BAZ2B: variants seen among roughly 807,000 people sequenced by gnomAD.
BAZ2B encodes bromodomain adjacent to zinc finger domain 2B, also known as bromodomain adjacent to zinc finger domain protein 2B.
Under a neutral mutation model 246.0 loss-of-function variants are expected in BAZ2B, and 91 were observed. The ratio of observed to expected loss-of-function variants is 0.37; its 90% CI spans 0.31 to 0.44. BAZ2B has a LOEUF of 0.44. Among genes scored for constraint, BAZ2B ranks in the 20% least tolerant of loss-of-function variants. BAZ2B has a pLI of 1.00. For missense variants in BAZ2B, 2,332 were observed against 2,533.7 expected, an observed-to-expected ratio of 0.92 and a Z score of 1.71; for synonymous variants, 855 against 860.0, an observed-to-expected ratio of 0.99 and a Z score of 0.10.
chr2:159,651,060 T>TA, the BAZ2B span, among the ~76,000 whole-genome samples: 1 of 150,958 alleles, frequency 6.6e-6, no homozygotes, highest in African/African-American at 2.4e-5. Context: ...TAAAATTCCT[T>TA]AAAAAAACAT....
chr2:159,327,818 C>T (rs1212242449), intron 34 of BAZ2B, among the ~76,000 whole-genome samples: 3 of 152,146 alleles, frequency 2.0e-5, no homozygotes, highest in South Asian at 4.1e-4. Context: ...AATCCCAGCG[C>T]TTTGGGAGGC....
At chr2:159,448,639 G>C (rs2074598419) in intron 4 of BAZ2B, among the ~76,000 whole-genome samples, 1 of 152,120 alleles carries the variant, frequency 6.6e-6, no homozygotes, top group Non-Finnish European at 1.5e-5. Context: ...GCTTTGTAGA[G>C]TTCAAACTTG....
At chr2:159,567,512 A>G (rs911895066) in intron 1 of BAZ2B, among the ~76,000 whole-genome samples, 9 of 152,196 alleles carry the variant, frequency 5.9e-5, no homozygotes, top group Non-Finnish European at 1.3e-4. Context: ...TTGTAGGACT[A>G]CTTCTTTAAC....
chr2:159,650,612 T>C, the BAZ2B span, among the ~76,000 whole-genome samples: 1 of 152,210 alleles, frequency 6.6e-6, no homozygotes, highest in Non-Finnish European at 1.5e-5. Context: ...CATATTCATA[T>C]ACTGATTAGT....
intron 2 of BAZ2B, chr2:159,516,378 G>C (rs1403597037): frequency 2.0e-5 from 3 of 152,058 alleles, no homozygotes; most frequent in Non-Finnish European, 4.4e-5. Context: ...TCAGTTAAAA[G>C]GCATGAAAGA....
intron 14 of BAZ2B, among the ~76,000 whole-genome samples, chr2:159,408,518 C>T (rs945160969): frequency 3.9e-5 from 6 of 152,060 alleles, no homozygotes; most frequent in Non-Finnish European, 8.8e-5. Context: ...AAAAGTTCAA[C>T]TCACATCTTT....
intron 2 of BAZ2B, among the ~76,000 whole-genome samples, chr2:159,483,831 A>G (rs2079525369): frequency 6.6e-6 from 1 of 152,092 alleles, no homozygotes; most frequent in Non-Finnish European, 1.5e-5. Context: ...AGAAGAAAAG[A>G]AAAAAGAAGG....
chr2:159,538,060 G>A (rs140553622), intron 2 of BAZ2B, among the ~76,000 whole-genome samples: 8 of 152,180 alleles, frequency 5.3e-5, no homozygotes, highest in East Asian at 1.9e-4. Context: ...GCAGTGGCCC[G>A]ATCTTGGCTC....
intron 27 of BAZ2B, among the ~76,000 whole-genome samples, chr2:159,370,675 G>A (rs2060751945): frequency 1.3e-5 from 2 of 151,416 alleles, no homozygotes; most frequent in Admixed American, 6.6e-5. Flanking sequence ...CCCGGCCCAG[G>A]CTCTGTACTT....
intron 13 of BAZ2B, among the ~76,000 whole-genome samples, chr2:159,415,528 C>A (rs1417474888): frequency 6.6e-6 from 1 of 151,212 alleles, no homozygotes; most frequent in African/African-American, 2.4e-5. Context: ...TGTTATATTA[C>A]CTTATAGTCC....
At chr2:159,425,423 C>G (rs887534479) in intron 13 of BAZ2B, among the ~76,000 whole-genome samples, 1 of 152,144 alleles carries the variant, frequency 6.6e-6, no homozygotes, top group Non-Finnish European at 1.5e-5. Context: ...TCAAGTGATC[C>G]GCCTGCCTCA....
chr2:159,445,583 T>C (rs184134532), intron 6 of BAZ2B, among the ~76,000 whole-genome samples: 14 of 152,256 alleles, frequency 9.2e-5, no homozygotes, highest in Admixed American at 9.2e-4. Context: ...AAAACATGGC[T>C]GGGAACCTGT....
the BAZ2B span, among the ~76,000 whole-genome samples, chr2:159,657,202 A>C: frequency 2.0e-5 from 3 of 151,918 alleles, no homozygotes; most frequent in Admixed American, 6.6e-5. Flanking sequence ...CTTTTTTTGC[A>C]TGTAGATGTC....
chr2:159,630,419 G>C, the BAZ2B span, among the ~76,000 whole-genome samples: 7 of 152,188 alleles, frequency 4.6e-5, no homozygotes, highest in Non-Finnish European at 8.8e-5. Flanking sequence ...TAACCATAGA[G>C]AATTATTCCA....
intron 25 of BAZ2B, among the ~76,000 whole-genome samples, chr2:159,377,752 C>T (rs1056396723): frequency 6.9e-6 from 1 of 143,918 alleles, no homozygotes; most frequent in African/African-American, 2.6e-5. Context: ...GCGGAGGTTG[C>T]AGTGAGCTGA....
the BAZ2B span, chr2:159,695,444 G>C: frequency 5.3e-5 from 8 of 151,290 alleles, no homozygotes; most frequent in Non-Finnish European, 1.2e-4. Flanking sequence ...CCACTAGTAA[G>C]TCTGAGGTCA....
chr2:159,615,138 T>C (rs1171375024), intron 1 of BAZ2B, among the ~76,000 whole-genome samples: 1 of 151,662 alleles, frequency 6.6e-6, no homozygotes, highest in Non-Finnish European at 1.5e-5. Context: ...AAAAGATAAA[T>C]ACAGAGGGAG....
intron 2 of BAZ2B, among the ~76,000 whole-genome samples, chr2:159,513,903 T>C (rs1200365718): frequency 6.6e-6 from 1 of 152,084 alleles, no homozygotes; most frequent in Non-Finnish European, 1.5e-5. Flanking sequence ...TACCTCCTCT[T>C]ACTCTCTCTC....
chr2:159,531,323 T>A (rs928722324), intron 2 of BAZ2B, among the ~76,000 whole-genome samples: 6 of 152,170 alleles, frequency 3.9e-5, no homozygotes, highest in African/African-American at 1.2e-4. Context: ...TAAAAAAAAT[T>A]TTTTTCGATC....
Sources: allele counts gnomAD v4.1 joint callset (sites outside exome capture counted in the v4.1 genomes callset), GRCh38; gene constraint gnomAD v4.1.1; transcripts MANE v1.5; gene names NCBI Gene and HGNC (gene_info 2026-07-23, HGNC 2026-07-21).